PLXNA4: variants seen among roughly 807,000 people sequenced by gnomAD.
The protein encoded by PLXNA4 is plexin A4.
A neutral mutation model predicts 191.8 loss-of-function variants in PLXNA4; 44 were observed. The ratio of observed to expected loss-of-function variants is 0.23; its 90% CI spans 0.18 to 0.29. PLXNA4 has a LOEUF of 0.29. Ranked by LOEUF, PLXNA4 falls within the 10% of genes least tolerant of loss-of-function variation. The pLI is 1.00. For synonymous variants in PLXNA4, 1,082 were observed against 1,009.5 expected (o/e 1.07, Z -1.36); for missense variants, 1,800 against 2,488.8 (o/e 0.72, Z 5.89).
At chr7:132,222,147 C>T (rs1281023787) in intron 9 of PLXNA4, among the ~76,000 whole-genome samples, 1 of 152,174 alleles carries the variant, frequency 6.6e-6, no homozygotes, top group African/African-American at 2.4e-5. Flanking sequence ...CCACTCCTTG[C>T]TTTTACTTCT....
At chr7:132,271,431 G>GGA (rs1554403856) in intron 4 of PLXNA4, among the ~76,000 whole-genome samples, 1 of 128,502 alleles carries the variant, frequency 7.8e-6, no homozygotes, top group Non-Finnish European at 1.6e-5. Context: ...AGTCACTTAG[G>GGA]AAAAAAAAAA....
At chr7:132,269,906 C>T (rs916420885) in intron 4 of PLXNA4, among the ~76,000 whole-genome samples, 1 of 152,092 alleles carries the variant, frequency 6.6e-6, no homozygotes, top group South Asian at 2.1e-4. Flanking sequence ...GTCCCTAGTA[C>T]ATTATGGGAA....
At chr7:132,323,772 TGGA>T (rs1445124680) in intron 3 of PLXNA4, among the ~76,000 whole-genome samples, 4 of 152,204 alleles carry the variant, frequency 2.6e-5, no homozygotes, top group South Asian at 2.1e-4. Context: ...ATCTGTCATG[TGGA>T]GGAGACTTGC....
intron 3 of PLXNA4, among the ~76,000 whole-genome samples, chr7:132,351,071 T>C (rs1393416687): frequency 6.6e-6 from 1 of 152,222 alleles, no homozygotes; most frequent in Non-Finnish European, 1.5e-5. Context: ...TTATACACAA[T>C]GTCCAGAATA....
At chr7:132,497,214 G>A (rs775361061) in intron 2 of PLXNA4, among the ~76,000 whole-genome samples, 1 of 152,018 alleles carries the variant, frequency 6.6e-6, no homozygotes, top group Non-Finnish European at 1.5e-5. Flanking sequence ...TTACACATGT[G>A]GGATTTCTTT....
intron 2 of PLXNA4, among the ~76,000 whole-genome samples, chr7:132,500,503 T>C (rs1798203516): frequency 6.6e-6 from 1 of 151,726 alleles, no homozygotes; most frequent in Non-Finnish European, 1.5e-5. Flanking sequence ...GGGGAAATAA[T>C]AATAATAAAG....
Position 132,508,706 on chromosome 7 carries a change from T to C in PLXNA4, c.-13A>G. The C allele has an allele frequency of 6.7e-7, 1 of 1,491,202 alleles. No homozygotes were observed. Among genetic ancestry groups the C allele is most frequent in the Non-Finnish European group, 8.9e-7 (1 of 1,122,200 alleles). 92.4% of individuals were successfully genotyped at this position (1,491,202 alleles called of 1,614,324 possible). Reference sequence around the variant, plus strand: ...GCATGGCTTTCATGGCAGAGGCGGGTCCCAGTGGCACAGCAGCACTCAGGC... The same window carrying C: ...GCATGGCTTTCATGGCAGAGGCGGGCCCCAGTGGCACAGCAGCACTCAGGC... On this transcript the variant is annotated 5_prime_UTR_variant, in exon 2 of 32. Coordinates refer to ENST00000321063, the MANE Select transcript of PLXNA4 (RefSeq NM_020911.2). The surrounding 1 kb of genome is among the most constrained non-coding windows in gnomAD (Gnocchi z 4.4).
At chr7:132,201,798 A>G (rs1797443334) in intron 12 of PLXNA4, among the ~76,000 whole-genome samples, 1 of 152,128 alleles carries the variant, frequency 6.6e-6, no homozygotes, top group Admixed American at 6.5e-5. Flanking sequence ...GGACTACTTA[A>G]ATGAACTCCA....
intron 3 of PLXNA4, among the ~76,000 whole-genome samples, chr7:132,454,047 C>T (rs974837755): frequency 6.6e-6 from 1 of 152,202 alleles, no homozygotes; most frequent in Non-Finnish European, 1.5e-5. Context: ...GGGCAACAGC[C>T]TAGCAGCCCA....
intron 3 of PLXNA4, among the ~76,000 whole-genome samples, chr7:132,411,134 T>A (rs1192822784): frequency 6.6e-6 from 1 of 152,248 alleles, no homozygotes; most frequent in Non-Finnish European, 1.5e-5. Flanking sequence ...TATTCAGAGC[T>A]GGCAGAGAAA....
At chr7:132,206,797 G>A (rs768100174) in intron 10 of PLXNA4, among the ~76,000 whole-genome samples, 46 of 152,082 alleles carry the variant, frequency 3.0e-4, no homozygotes, top group Admixed American at 1.3e-3. Context: ...CCGTCCCCCA[G>A]GATCGCCCTA....
At chr7:132,405,072 ATG>A (rs55647746) in intron 3 of PLXNA4, among the ~76,000 whole-genome samples, 182 of 149,196 alleles carry the variant, frequency 1.2e-3, no homozygotes, top group African/African-American at 4.1e-3. Flanking sequence ...GTGTGTGTGT[ATG>A]TGTGTGTGTG....
At chr7:132,185,912 G>A (rs56229140) in intron 15 of PLXNA4, among the ~76,000 whole-genome samples, 29,317 of 152,142 alleles carry the variant, frequency 0.19, 3,824 homozygotes, top group African/African-American at 0.36. Flanking sequence ...TGTCTTTGTA[G>A]TATTTGGAGT....
chr7:132,151,456 G>A (rs1584768041), intron 25 of PLXNA4, among the ~76,000 whole-genome samples: 1 of 95,148 alleles, frequency 1.1e-5, no homozygotes, highest in Non-Finnish European at 2.1e-5. Flanking sequence ...GAAGAAGAAG[G>A]AGGAGGAGGA....
At chr7:132,344,404 C>G (rs1803160233) in intron 3 of PLXNA4, among the ~76,000 whole-genome samples, 1 of 152,128 alleles carries the variant, frequency 6.6e-6, no homozygotes, top group Non-Finnish European at 1.5e-5. Flanking sequence ...TTTGAGCTCC[C>G]CAGAGGCAAG....
At chr7:132,612,379 G>C (rs1803065978) in intron 2 of PLXNA4, among the ~76,000 whole-genome samples, 1 of 152,132 alleles carries the variant, frequency 6.6e-6, no homozygotes, top group Non-Finnish European at 1.5e-5. Context: ...TGTTCATCCT[G>C]GCCAGGCGCG....
intron 10 of PLXNA4, among the ~76,000 whole-genome samples, chr7:132,206,118 G>C (rs1468657952): frequency 6.6e-6 from 1 of 152,188 alleles, no homozygotes; most frequent in East Asian, 1.9e-4. Flanking sequence ...TGTGAAATGA[G>C]CAGATAATCC....
chr7:132,508,845 T>A lies in PLXNA4; in HGVS notation c.-86-66A>T. The A allele has an allele frequency of 7.2e-7, 1 of 1,380,708 alleles. No individual in the cohort carries two copies. Among genetic ancestry groups the A allele is most frequent in the Non-Finnish European group, 9.5e-7 (1 of 1,051,672 alleles). 85.5% of individuals were successfully genotyped at this position (1,380,708 alleles called of 1,614,324 possible). ...TGGCTTCATTTCACCCCACAGCTTG[T>A]CTGCCTGGACTTTCAAAATGTTCTG... On this transcript the variant is annotated intron_variant, in intron 1 of 31. Coordinates refer to ENST00000321063, the MANE Select transcript of PLXNA4 (RefSeq NM_020911.2). The surrounding 1 kb of genome is among the most constrained non-coding windows in gnomAD (Gnocchi z 4.4).
intron 9 of PLXNA4, among the ~76,000 whole-genome samples, chr7:132,216,235 G>A (rs115893238): frequency 0.033 from 5,044 of 152,318 alleles, 98 homozygotes; most frequent in Middle Eastern, 0.065. Context: ...GCATAGAGAA[G>A]AACGGTTTGT....
Sources: gnomAD v4.1 joint callset for allele counts (sites outside exome capture counted in the v4.1 genomes callset) on GRCh38, gnomAD v4.1.1 for gene constraint, Gnocchi (gnomAD v3.1) non-coding constraint, MANE v1.5 for transcripts, NCBI Gene and HGNC (gene_info 2026-07-23, HGNC 2026-07-21) for gene names.